The following CACNA2D3 variants were observed in gnomAD, a reference collection of about 807,000 sequenced individuals.
The protein encoded by CACNA2D3 is voltage-dependent calcium channel subunit alpha-2/delta-3.
CACNA2D3 carries 60 observed loss-of-function variants against 160.6 expected under a neutral mutation model. The ratio of observed to expected loss-of-function variants is 0.37; its 90% CI spans 0.30 to 0.46. CACNA2D3 has a LOEUF of 0.46. Ranked by LOEUF, CACNA2D3 falls within the 20% of genes least tolerant of loss-of-function variation. CACNA2D3 has a pLI of 1.00. For synonymous variants in CACNA2D3, 558 were observed against 492.9 expected (o/e 1.13, Z -1.75); for missense variants, 1,205 against 1,365.0 (o/e 0.88, Z 1.85).
chr3:55,061,004 T>G (rs903400513), intron 35 of CACNA2D3, among the ~76,000 whole-genome samples: 2 of 152,138 alleles, frequency 1.3e-5, no homozygotes, highest in African/African-American at 4.8e-5. Flanking sequence ...TTTCAAGCTG[T>G]AGGTCGGCAC....
intron 17 of CACNA2D3, among the ~76,000 whole-genome samples, chr3:54,849,661 G>T (rs1158498471): frequency 6.6e-6 from 1 of 152,056 alleles, no homozygotes; most frequent in Non-Finnish European, 1.5e-5. Context: ...TTGTCTCCTC[G>T]CAAGCCCAGC....
At chr3:54,556,038 C>T (rs1702236673) in intron 5 of CACNA2D3, among the ~76,000 whole-genome samples, 1 of 152,036 alleles carries the variant, frequency 6.6e-6, no homozygotes. Context: ...AGGTAGAAGC[C>T]CTGCTCTTAT....
At chr3:54,344,480 T>G (rs1698421447) in intron 3 of CACNA2D3, among the ~76,000 whole-genome samples, 1 of 152,232 alleles carries the variant, frequency 6.6e-6, no homozygotes, top group South Asian at 2.1e-4. Flanking sequence ...AATTGTGTTC[T>G]GGCAACGAGA....
chr3:54,433,410 T>C (rs1233911931), intron 4 of CACNA2D3, among the ~76,000 whole-genome samples: 1 of 152,208 alleles, frequency 6.6e-6, no homozygotes. Flanking sequence ...GATATGTCTG[T>C]CAAGAAATAG....
intron 10 of CACNA2D3, among the ~76,000 whole-genome samples, chr3:54,634,870 A>C (rs1008591448): frequency 6.6e-6 from 1 of 152,120 alleles, no homozygotes; most frequent in Admixed American, 6.5e-5. Flanking sequence ...ACTTCAGGCC[A>C]TCTGGGCATA....
intron 26 of CACNA2D3, among the ~76,000 whole-genome samples, chr3:54,899,173 G>A (rs78272223): frequency 0.015 from 2,214 of 152,236 alleles, 57 homozygotes; most frequent in African/African-American, 0.047. Flanking sequence ...CTTTTAATTC[G>A]TGGATATTGG....
At chr3:54,853,716 A>G (rs1440195245) in intron 17 of CACNA2D3, among the ~76,000 whole-genome samples, 3 of 152,180 alleles carry the variant, frequency 2.0e-5, no homozygotes, top group African/African-American at 7.2e-5. Context: ...CCTTAGAGGA[A>G]GGGTGCCCTG....
At chr3:54,228,471 A>G (rs1701712586) in intron 2 of CACNA2D3, among the ~76,000 whole-genome samples, 1 of 152,364 alleles carries the variant, frequency 6.6e-6, no homozygotes, top group African/African-American at 2.4e-5. Context: ...AGATTAAACA[A>G]GTATTTATTG....
At chr3:54,171,387 C>A (rs1414626557) in intron 2 of CACNA2D3, among the ~76,000 whole-genome samples, 2 of 151,844 alleles carry the variant, frequency 1.3e-5, no homozygotes, top group African/African-American at 4.8e-5. Flanking sequence ...CTGGCAGTGG[C>A]ACGATTCACT....
At chr3:55,053,357 G>C (rs1704277036) in intron 35 of CACNA2D3, among the ~76,000 whole-genome samples, 1 of 151,916 alleles carries the variant, frequency 6.6e-6, no homozygotes, top group South Asian at 2.1e-4. Context: ...ATAGGATTTT[G>C]ATTGATTTGC....
chr3:54,594,290 C>T (rs144507597), intron 9 of CACNA2D3, among the ~76,000 whole-genome samples: 7 of 152,182 alleles, frequency 4.6e-5, no homozygotes, highest in South Asian at 2.1e-4. Context: ...ATGGGTAATA[C>T]GTAAATGAGT....
intron 9 of CACNA2D3, among the ~76,000 whole-genome samples, chr3:54,603,719 A>C (rs768006237): frequency 6.6e-6 from 1 of 152,238 alleles, no homozygotes; most frequent in Non-Finnish European, 1.5e-5. Flanking sequence ...CTCATGTTTA[A>C]AAAGCCCGAC....
chr3:54,887,242 A>G (rs1699947834), intron 23 of CACNA2D3, among the ~76,000 whole-genome samples: 1 of 151,998 alleles, frequency 6.6e-6, no homozygotes, highest in Admixed American at 6.6e-5. Context: ...CCTGGCCAAC[A>G]TGGTAAAACC....
chr3:54,929,421 C>T (rs548393492), intron 27 of CACNA2D3, among the ~76,000 whole-genome samples: 2 of 152,304 alleles, frequency 1.3e-5, no homozygotes, highest in African/African-American at 2.4e-5. Flanking sequence ...GAACCTGGCC[C>T]TTCGTGCCAC....
At chr3:54,202,893 T>A (rs2107351221) in intron 2 of CACNA2D3, among the ~76,000 whole-genome samples, 1 of 152,304 alleles carries the variant, frequency 6.6e-6, no homozygotes, top group South Asian at 2.1e-4. Context: ...GAAATTCTGC[T>A]GTCAAGCAAG....
chr3:54,330,467 G>A (rs560181039), intron 3 of CACNA2D3, among the ~76,000 whole-genome samples: 1 of 152,136 alleles, frequency 6.6e-6, no homozygotes, highest in Non-Finnish European at 1.5e-5. Flanking sequence ...TCCAGCCAAT[G>A]AGCAGGAGTC....
intron 2 of CACNA2D3, among the ~76,000 whole-genome samples, chr3:54,265,656 AGTGTATATATATAG>A (rs1702495068): frequency 1.9e-5 from 1 of 52,970 alleles, no homozygotes. Context: ...GTATATATAT[AGTGTATATATATAG>A]TGTGTGTATA....
intron 4 of CACNA2D3, among the ~76,000 whole-genome samples, chr3:54,478,641 T>C (rs549748343): frequency 1.5e-4 from 10 of 64,646 alleles, no homozygotes; most frequent in Non-Finnish European, 3.7e-4. Flanking sequence ...CAAAAAAATA[T>C]ATATATAAAT....
intron 29 of CACNA2D3, among the ~76,000 whole-genome samples, chr3:54,984,286 A>G (rs916455946): frequency 4.0e-5 from 6 of 151,874 alleles, no homozygotes; most frequent in African/African-American, 7.3e-5. Flanking sequence ...CCTGGGAAAT[A>G]TTATTCAGGT....
Sources: gnomAD v4.1 joint callset for allele counts (sites outside exome capture counted in the v4.1 genomes callset) on GRCh38, gnomAD v4.1.1 for gene constraint, MANE v1.5 for transcripts, NCBI Gene and HGNC (gene_info 2026-07-23, HGNC 2026-07-21) for gene names.